The following PRIM2 variants were observed in gnomAD, a reference collection of about 807,000 sequenced individuals.
The protein encoded by PRIM2 is DNA primase subunit 2, also known as DNA primase large subunit.
In PRIM2, 39 loss-of-function variants were observed where a neutral mutation model predicts 67.3. The ratio of observed to expected loss-of-function variants is 0.58; its 90% CI spans 0.45 to 0.76. The LOEUF (loss-of-function observed/expected upper bound fraction) is 0.76, where lower values mean the gene tolerates loss of function less well. Among genes scored for constraint, PRIM2 ranks in the 30% least tolerant of loss-of-function variants. The pLI, the probability that PRIM2 is intolerant of heterozygous loss-of-function variation, is 0.00. For synonymous variants in PRIM2, 143 were observed against 198.7 expected (o/e 0.72, Z 2.36); for missense variants, 398 against 598.7 (o/e 0.66, Z 3.50).
At chr6:57,393,379 T>G (rs942949079) in intron 7 of PRIM2, among the ~76,000 whole-genome samples, 59 of 152,298 alleles carry the variant, frequency 3.9e-4, no homozygotes, top group African/African-American at 1.4e-3. Flanking sequence ...TGCAATGTAG[T>G]TTTAATTTGC....
intron 12 of PRIM2, among the ~76,000 whole-genome samples, chr6:57,628,486 C>A (rs1344826860): frequency 6.6e-6 from 1 of 152,044 alleles, no homozygotes; most frequent in Non-Finnish European, 1.5e-5. Flanking sequence ...TTTCTTAATA[C>A]GTTTTTAAAA....
intron 12 of PRIM2, among the ~76,000 whole-genome samples, chr6:57,622,368 G>A (rs1376458446): frequency 1.3e-5 from 2 of 152,016 alleles, no homozygotes; most frequent in South Asian, 2.1e-4. Flanking sequence ...TTTAAGTATC[G>A]AGCACTTGAG....
At chr6:57,575,485 G>C (rs1450817052) in intron 10 of PRIM2, among the ~76,000 whole-genome samples, 1 of 152,188 alleles carries the variant, frequency 6.6e-6, no homozygotes, top group Non-Finnish European at 1.5e-5. Context: ...TCTGCATAGG[G>C]AATCAGCAGA....
At chr6:57,249,301 G>A in the PRIM2 span, among the ~76,000 whole-genome samples, 1 of 152,150 alleles carries the variant, frequency 6.6e-6, no homozygotes, top group East Asian at 1.9e-4. Flanking sequence ...GTCAGTTGTG[G>A]AAGAAAGAAG....
At chr6:57,465,837 A>G (rs1773167435) in intron 7 of PRIM2, among the ~76,000 whole-genome samples, 4 of 137,766 alleles carry the variant, frequency 2.9e-5, no homozygotes, top group African/African-American at 1.2e-4. Flanking sequence ...TTTTATAATT[A>G]TACTTATAAG....
At chr6:57,599,979 G>T (rs1476747458) in intron 10 of PRIM2, among the ~76,000 whole-genome samples, 1 of 152,092 alleles carries the variant, frequency 6.6e-6, no homozygotes, top group Non-Finnish European at 1.5e-5. Context: ...GTAGAGATGG[G>T]TTTTGGAATC....
At chr6:57,535,251 A>C (rs1774980365) in intron 9 of PRIM2, among the ~76,000 whole-genome samples, 1 of 152,172 alleles carries the variant, frequency 6.6e-6, no homozygotes, top group Non-Finnish European at 1.5e-5. Context: ...CAGAGTGAGA[A>C]AAATGAGAAG....
intron 7 of PRIM2, among the ~76,000 whole-genome samples, chr6:57,416,101 G>C (rs1411479735): frequency 6.6e-6 from 1 of 152,152 alleles, no homozygotes; most frequent in Non-Finnish European, 1.5e-5. Flanking sequence ...AGATCCATCA[G>C]AGGAATCGCT....
At chr6:57,439,570 C>T (rs1411180036) in intron 7 of PRIM2, among the ~76,000 whole-genome samples, 2 of 151,740 alleles carry the variant, frequency 1.3e-5, no homozygotes, top group Non-Finnish European at 2.9e-5. Context: ...CACCCGCCAC[C>T]ACGCCCAGCT....
the PRIM2 span, among the ~76,000 whole-genome samples, chr6:57,303,414 T>C: frequency 6.6e-6 from 1 of 152,206 alleles, no homozygotes; most frequent in Non-Finnish European, 1.5e-5. Flanking sequence ...GCCAATTTAA[T>C]TGTTCACTCC....
chr6:57,250,967 CA>C, the PRIM2 span, among the ~76,000 whole-genome samples: 2 of 152,062 alleles, frequency 1.3e-5, no homozygotes, highest in African/African-American at 4.8e-5. Flanking sequence ...GCAAATATTC[CA>C]AAATCTGAAA....
At chr6:57,332,570 A>AT (rs1164429774) in intron 5 of PRIM2, among the ~76,000 whole-genome samples, 1 of 152,036 alleles carries the variant, frequency 6.6e-6, no homozygotes, top group African/African-American at 2.4e-5. Flanking sequence ...TATGTTTATA[A>AT]TTGTTAAATC....
chr6:57,308,912 A>C, the PRIM2 span, among the ~76,000 whole-genome samples: 2 of 149,958 alleles, frequency 1.3e-5, no homozygotes. Context: ...ATACATGTGC[A>C]GAATGTGCAG....
chr6:57,256,636 ACACAC>A, the PRIM2 span, among the ~76,000 whole-genome samples: 1 of 52,188 alleles, frequency 1.9e-5, no homozygotes, highest in Non-Finnish European at 4.2e-5. Context: ...TCTCTTACAC[ACACAC>A]ACACACACAC....
At chr6:57,453,786 C>G (rs1581919943) in intron 7 of PRIM2, among the ~76,000 whole-genome samples, 2 of 152,170 alleles carry the variant, frequency 1.3e-5, no homozygotes, top group African/African-American at 4.8e-5. Flanking sequence ...ATTTCCTTCT[C>G]CTGCCTGATT....
intron 7 of PRIM2, among the ~76,000 whole-genome samples, chr6:57,432,715 A>AT (rs533288065): frequency 8.3e-4 from 126 of 152,300 alleles, no homozygotes; most frequent in South Asian, 1.9e-3. Flanking sequence ...ACCTCACAGG[A>AT]TGTTAAGCTT....
chr6:57,233,098 G>A, the PRIM2 span, among the ~76,000 whole-genome samples: 100 of 152,278 alleles, frequency 6.6e-4, no homozygotes, highest in African/African-American at 2.3e-3. Context: ...CCACAGACAT[G>A]TTGGAGTTTG....
chr6:57,412,972 A>G (rs1341119502), intron 7 of PRIM2, among the ~76,000 whole-genome samples: 1 of 152,164 alleles, frequency 6.6e-6, no homozygotes, highest in Non-Finnish European at 1.5e-5. Context: ...GAAATGTACT[A>G]ACACTTCATA....
intron 13 of PRIM2, among the ~76,000 whole-genome samples, chr6:57,635,040 A>G (rs1244295945): frequency 6.6e-6 from 1 of 152,206 alleles, no homozygotes; most frequent in Non-Finnish European, 1.5e-5. Context: ...ACCCCTCCCC[A>G]AAATAAAATC....
Sources: allele counts gnomAD v4.1 joint callset (sites outside exome capture counted in the v4.1 genomes callset), GRCh38; gene constraint gnomAD v4.1.1; transcripts MANE v1.5; gene names NCBI Gene and HGNC (gene_info 2026-07-23, HGNC 2026-07-21).